Variants in PLOD3 observed in about 807,000 individuals in gnomAD.
The protein encoded by PLOD3 is procollagen-lysine,2-oxoglutarate 5-dioxygenase 3.
Under a neutral mutation model 96.9 loss-of-function variants are expected in PLOD3, and 73 were observed. The ratio of observed to expected loss-of-function variants is 0.75; its 90% CI spans 0.62 to 0.92. PLOD3 has a LOEUF of 0.92. PLOD3 is among the 40% of genes least tolerant of loss of function. PLOD3 has a pLI of 0.00. For missense variants in PLOD3, 1,004 were observed against 1,004.3 expected (o/e 1.00, Z 0.00); for synonymous variants, 454 against 413.7 (o/e 1.10, Z -1.18).
At position 101,210,654 on chromosome 7, in the gene PLOD3, A is replaced by T; in HGVS notation, c.1378T>A (p.Tyr460Asn). ...CGGATCACATAGGCCTGGGAGATGT[A>T]TGGTACATTCCACACACCCCTGGAG... is the stretch of plus-strand genomic sequence containing the variant. ...RKRVGVWNVPYISQAYVIRGD... is the reference protein window; with the variant it reads ...RKRVGVWNVPNISQAYVIRGD... Residue 460 changes from tyrosine (Y) to asparagine (N), a missense_variant, in exon 13 of 19, where the codon TAC (tyrosine) becomes AAC (asparagine). By Grantham distance (143) the Tyr-to-Asn change is moderately radical (BLOSUM62 -2). Around this residue, in one of 5 missense-constraint regions of PLOD3, gnomAD observed 690 missense variants for 650.2 expected, o/e 1.06. Transcript: ENST00000223127. 2 of 1,614,060 alleles carry T rather than the reference A, an allele frequency of 1.2e-6. No homozygotes were observed. Among genetic ancestry groups the T allele is most frequent in the Non-Finnish European group, 1.7e-6 (2 of 1,180,016 alleles).
At position 101,206,688 on chromosome 7, in the gene PLOD3, G is replaced by A. The variant is rs28373136; in HGVS notation, c.2061+91C>T. On this transcript the variant is annotated intron_variant, in intron 18 of 18. Transcript: ENST00000223127. ...ACAAAGTCACTGGGAAATGGGCAGGGAGGGGAGCTGGGGGATGCACGCAGG... is the reference window on the plus strand; with the variant it reads ...ACAAAGTCACTGGGAAATGGGCAGGAAGGGGAGCTGGGGGATGCACGCAGG... 2.3e-4 allele frequency: 322 copies of A among 1,401,830 alleles called. No individual in the cohort carries two copies. In the African/African-American group the frequency reaches 4.2e-3, roughly 18 times the overall value. 86.8% of individuals were successfully genotyped at this position (1,401,830 alleles called of 1,614,324 possible). A position where few individuals can be genotyped will look rare whatever the true frequency, so the allele number is the denominator to read the frequency against.
intron 17 of PLOD3, among the ~76,000 whole-genome samples, chr7:101,207,185 A>G (rs1798101563): frequency 6.6e-6 from 1 of 152,038 alleles, no homozygotes; most frequent in South Asian, 2.1e-4. Flanking sequence ...CATCTTGGCC[A>G]GGCTGGTCTT....
chr7:101,213,704 G>GT (rs1798225230), intron 6 of PLOD3: 1 of 163,512 alleles, frequency 6.1e-6, no homozygotes, highest in Non-Finnish European at 1.3e-5. Context: ...TGTATTTTTT[G>GT]TTTTTTATGC....
rs760584710 is a variant in PLOD3, at chr7:101,216,320, G to A, written c.345C>T (p.Asp115=). The change falls in exon 4 of 19, where the codon GAC becomes GAT. Residue 115 remains aspartate, a synonymous_variant. Transcript: ENST00000223127. ...CTGTGGGGCTGCCGGCCAGAATCAC[G>A]TCGTAGCTGGGTGAGGAAGGGGAGG... The part of the protein sequence containing the change: ...DMIIMFVDSY[D]VILAGSPTEL... 1.2e-5 allele frequency: 20 copies of A among 1,613,346 alleles called. No homozygotes were observed. The South Asian group carries it at 2.0e-4, about 16-fold the overall frequency.
intron 13 of PLOD3, 38 bp from the exon 14 acceptor site, chr7:101,210,482 C>G (rs762167982): frequency 1.9e-6 from 3 of 1,613,852 alleles, no homozygotes; most frequent in African/African-American, 2.7e-5. Flanking sequence ...GCAGGCGATG[C>G]CTGGAGTCTG....
In PLOD3 at chr7:101,215,117, C is replaced by T. The variant is rs1334423654; in HGVS notation, c.651G>A (p.Arg217=). 4.3e-6 allele frequency: 7 copies of T among 1,613,770 alleles called. No individual in the cohort carries two copies. Among genetic ancestry groups the T allele is most frequent in the Non-Finnish European group, 5.1e-6 (6 of 1,179,598 alleles). ...KLSLNLDHKS[R]IFQNLNGALD... is the part of the protein sequence containing the mutation. Reference sequence around the variant, plus strand: ...AAGCCCCGTTGAGGTTCTGAAAGATCCGAGACTTATGATCCAGATTAAGGC... The same window carrying T: ...AAGCCCCGTTGAGGTTCTGAAAGATTCGAGACTTATGATCCAGATTAAGGC... The change falls in exon 6 of 19, where the codon CGG becomes CGA. Residue 217 remains arginine (R), a synonymous_variant. Transcript: ENST00000223127.
intron 14 of PLOD3, 41 bp downstream of exon 14, chr7:101,210,290 G>T: frequency 6.4e-7 from 1 of 1,560,832 alleles, no homozygotes; most frequent in Non-Finnish European, 8.8e-7. Context: ...TTAGCACAAG[G>T]CGGGGAACCT....
At chr7:101,210,816 C>T in intron 12 of PLOD3, 143 bp from the exon 13 acceptor site, 2 of 784,528 alleles carry the variant, frequency 2.5e-6, no homozygotes, top group Non-Finnish European at 4.1e-6. Flanking sequence ...CACTGCTGGT[C>T]CCAACCACCC....
In PLOD3 at chr7:101,206,221, G is replaced by C. The variant is rs186199884; in HGVS notation, c.*60C>G. 6 of 1,562,944 alleles carry C rather than the reference G, an allele frequency of 3.8e-6. No homozygotes were observed. Among genetic ancestry groups the C allele is most frequent in the Non-Finnish European group, 4.4e-6 (5 of 1,133,818 alleles). ...AGACCCATCCCCCAACTCCCAGGAC[G>C]GGGGCCAGGCCCCCTAAAAAGGCAC... On this transcript the variant is annotated 3_prime_UTR_variant, in exon 19 of 19. Coordinates refer to ENST00000223127, the MANE Select transcript of PLOD3 (RefSeq NM_001084.5).
chr7:101,210,792 T>A, intron 12 of PLOD3, 119 bp from the exon 13 acceptor site: 1 of 1,128,758 alleles, frequency 8.9e-7, no homozygotes, highest in Non-Finnish European at 1.3e-6. Context: ...GGCCCCTGCA[T>A]GTCCCTTGTC....
chr7:101,212,458 G>A (rs1584253604), intron 9 of PLOD3, 72 bp downstream of exon 9: 4 of 1,569,218 alleles, frequency 2.5e-6, no homozygotes, highest in Non-Finnish European at 3.5e-6. Context: ...GGAGATGGGG[G>A]TGGGGGCACG....
intron 17 of PLOD3, among the ~76,000 whole-genome samples, chr7:101,207,137 G>A (rs952786209): frequency 4.0e-5 from 6 of 151,898 alleles, no homozygotes; most frequent in Non-Finnish European, 5.9e-5. Flanking sequence ...CACCACACCC[G>A]GCTAATTTTT....
chr7:101,217,085 CCTCCGACCCT>C, intron 1 of PLOD3, 71 bp downstream of exon 1: 1 of 1,390,980 alleles, frequency 7.2e-7, no homozygotes, highest in Non-Finnish European at 9.4e-7. Context: ...CCTCCTCGAG[CCTCCGACCCT>C]CTCCGGGCCA....
intron 6 of PLOD3, chr7:101,213,645 T>TTTTTTA: frequency 1.0e-5 from 2 of 194,044 alleles, no homozygotes; most frequent in Admixed American, 5.4e-5. Flanking sequence ...GCCTTTCAGG[T>TTTTTTA]AGCTGAGACT....
In PLOD3 at chr7:101,214,117, G is replaced by A. The variant is rs150359143; in HGVS notation, c.680-913C>T. On this transcript the variant is annotated intron_variant, in intron 6 of 18. Transcript: ENST00000223127. ...CAAAGTGCTGGGATTACAGATGTGAGCTGTCGCACCTGGCCTTTTTTTTTT... is the reference window on the plus strand; with the variant it reads ...CAAAGTGCTGGGATTACAGATGTGAACTGTCGCACCTGGCCTTTTTTTTTT... Among the ~76,000 whole-genome samples the A allele has an allele frequency of 4.4e-4, 66 of 150,036 alleles. 1 individual carries two copies. In the East Asian group the frequency reaches 0.012, roughly 28 times the overall value.
intron 6 of PLOD3, among the ~76,000 whole-genome samples, chr7:101,213,950 C>T (rs11525849): frequency 1.3e-5 from 2 of 151,944 alleles, no homozygotes; most frequent in East Asian, 1.9e-4. Context: ...CCACCTGCCT[C>T]GGCCTCCCAA....
At chr7:101,215,179 G>A in intron 5 of PLOD3, 27 bp from the exon 6 acceptor site, 1 of 1,491,728 alleles carries the variant, frequency 6.7e-7, no homozygotes, top group Non-Finnish European at 9.4e-7. Context: ...GCGATGGAGT[G>A]GTTAAAATGG....
chr7:101,210,436 G>A lies in PLOD3; in HGVS notation c.1509C>T (p.Phe503=), dbSNP rs1221693835. The A allele has an allele frequency of 6.2e-7, 1 of 1,614,132 alleles. No homozygotes were observed. Among genetic ancestry groups the A allele is most frequent in the Non-Finnish European group, 8.5e-7 (1 of 1,179,980 alleles). The change falls in exon 14 of 19, where the codon TTC becomes TTT. Residue 503 remains phenylalanine, a synonymous_variant. Transcript: ENST00000223127. ...ATTCATGCTGATTGCTCAGATGGAG[G>A]AAGATGCCCTGTAGTGGGGTGGGGG... is the stretch of plus-strand genomic sequence containing the variant. The part of the protein sequence containing the change: ...FCKSFRDKGI[F]LHLSNQHEFG...
intron 15 of PLOD3, among the ~76,000 whole-genome samples, chr7:101,209,522 T>G (rs978036906): frequency 2.4e-4 from 36 of 149,430 alleles, no homozygotes; most frequent in Admixed American, 2.0e-3. Context: ...GGACTACAGG[T>G]GCACGCCATC....
Sources: allele counts gnomAD v4.1 joint callset (sites outside exome capture counted in the v4.1 genomes callset), GRCh38; gene constraint gnomAD v4.1.1; regional missense constraint gnomAD v4.1.1; transcripts MANE v1.5; gene names NCBI Gene and HGNC (gene_info 2026-07-23, HGNC 2026-07-21).